The following DNAJC25 variants were observed in gnomAD, a reference collection of about 807,000 sequenced individuals.
DNAJC25 encodes DnaJ heat shock protein family (Hsp40) member C25, also known as dnaJ homolog subfamily C member 25.
A neutral mutation model predicts 42.1 loss-of-function variants in DNAJC25; 26 were observed. The ratio of observed to expected loss-of-function variants is 0.62; its 90% CI spans 0.45 to 0.86. The LOEUF (loss-of-function observed/expected upper bound fraction) is 0.86, where lower values mean the gene tolerates loss of function less well. Ranked by LOEUF, DNAJC25 falls within the 40% of genes least tolerant of loss-of-function variation. The probability of loss-of-function intolerance (pLI) is 0.00; values close to 1 mark genes in which losing one functional copy is unlikely to be tolerated. For missense variants in DNAJC25, 404 were observed against 459.4 expected (o/e 0.88, Z 1.10); for synonymous variants, 189 against 179.9 (o/e 1.05, Z -0.40).
intron 1 of DNAJC25, among the ~76,000 whole-genome samples, chr9:111,640,972 G>C (rs1830448443): frequency 9.6e-6 from 1 of 103,656 alleles, no homozygotes; most frequent in South Asian, 3.0e-4. Flanking sequence ...CCCCCCGCCT[G>C]GCCAGCCGTG....
Position 111,653,762 on chromosome 9 carries a change from CCTCTCTAGGAAAGT to C in DNAJC25, c.*543_*556del, listed in dbSNP as rs1239551083. ...TAGGATTGAAATACGTTCAAAATAA[CCTCTCTAGGAAAGT>C]CTTCTGCTAGAATTTCTCCCCTCTA... On this transcript the variant is annotated 3_prime_UTR_variant, in exon 4 of 4. Coordinates refer to ENST00000313525, the MANE Select transcript of DNAJC25 (RefSeq NM_001015882.3). 6.6e-6 allele frequency: 1 copy of C among 152,538 alleles called. No homozygotes were observed. Among genetic ancestry groups the C allele is most frequent in the Non-Finnish European group, 1.5e-5 (1 of 68,024 alleles). 9.4% of individuals were successfully genotyped at this position (152,538 alleles called of 1,614,324 possible).
intron 1 of DNAJC25, among the ~76,000 whole-genome samples, chr9:111,642,603 C>CAATAAAAA (rs201957943): frequency 0.14 from 14,744 of 108,906 alleles, 922 homozygotes; most frequent in East Asian, 0.32. Context: ...CAAGAATTAT[C>CAATAAAAA]AATAAATAAA....
chr9:111,638,985 T>C (rs72748084), intron 1 of DNAJC25, among the ~76,000 whole-genome samples: 3,286 of 152,246 alleles, frequency 0.022, 53 homozygotes, highest in Non-Finnish European at 0.032. Context: ...ATGATATTTT[T>C]TGATACTTTT....
At position 111,653,340 on chromosome 9, in the gene DNAJC25, T is replaced by C; in HGVS notation, c.*118T>C. ...GCAGTAACTAAAATTCCTCAAGTAT[T>C]TGATTAAACAGAATAATGTCAAAAT... On this transcript the variant is annotated 3_prime_UTR_variant, in exon 4 of 4. Transcript: ENST00000313525. 2 of 1,198,460 alleles carry C rather than the reference T, an allele frequency of 1.7e-6. No individual in the cohort carries two copies. Among genetic ancestry groups the C allele is most frequent in the Non-Finnish European group, 2.2e-6 (2 of 921,252 alleles). The allele number at this position is 1,198,460 out of a possible 1,614,324, so 74.2% of individuals were successfully genotyped here. A position where few individuals can be genotyped will look rare whatever the true frequency, so the allele number is the denominator to read the frequency against.
intron 3 of DNAJC25, among the ~76,000 whole-genome samples, chr9:111,651,838 C>A: frequency 6.8e-6 from 1 of 146,516 alleles, no homozygotes; most frequent in Non-Finnish European, 1.5e-5. Context: ...CAGAGTGAGA[C>A]CCCATCTCAA....
chr9:111,645,088 G>A (rs142835960), intron 1 of DNAJC25, among the ~76,000 whole-genome samples: 126 of 152,248 alleles, frequency 8.3e-4, no homozygotes, highest in African/African-American at 2.8e-3. Flanking sequence ...CTCACACCTC[G>A]TTGTATAACT....
chr9:111,634,998 T>C (rs918615277), intron 1 of DNAJC25, among the ~76,000 whole-genome samples: 2 of 152,224 alleles, frequency 1.3e-5, no homozygotes, highest in African/African-American at 2.4e-5. Context: ...CAAACCATTA[T>C]GATTTCACAC....
Position 111,649,758 on chromosome 9 carries a change from G to C in DNAJC25, c.795G>C (p.Arg265=), listed in dbSNP as rs1282972431. The part of the protein sequence containing the change: ...HLCSYIVWYC[R]WIYNFNIKGK... ...GCTCATATATAGTTTGGTATTGTCG[G>C]TGGATCTATAATTTTAACATCAAAG... The change falls in exon 3 of 4, where the codon CGG becomes CGC. Residue 265 remains arginine (R), a synonymous_variant. Coordinates refer to ENST00000313525, the MANE Select transcript of DNAJC25 (RefSeq NM_001015882.3). 1 of 1,613,942 alleles carries C rather than the reference G, an allele frequency of 6.2e-7. No homozygotes were observed. The highest frequency in any genetic ancestry group is 8.5e-7 in the Non-Finnish European group (1 of 1,180,022).
chr9:111,643,003 G>T (rs1830506895), intron 1 of DNAJC25: 1 of 451,480 alleles, frequency 2.2e-6, no homozygotes, highest in African/African-American at 2.0e-5. Context: ...AAGTATAAAG[G>T]TTTTGGTTTT....
intron 1 of DNAJC25, among the ~76,000 whole-genome samples, chr9:111,637,110 A>G (rs977897584): frequency 1.3e-5 from 2 of 152,208 alleles, no homozygotes; most frequent in Non-Finnish European, 1.5e-5. Context: ...GTACAGATTT[A>G]TCGTAGGTAA....
intron 1 of DNAJC25, among the ~76,000 whole-genome samples, chr9:111,642,638 T>C (rs1830497395): frequency 6.9e-6 from 1 of 145,042 alleles, no homozygotes; most frequent in African/African-American, 2.7e-5. Context: ...AATAAATAAA[T>C]AAATAAAAAA....
chr9:111,631,479 GC>G lies in DNAJC25; in HGVS notation c.76del (p.Leu26CysfsTer31). ...GCCGGCGCTGGTGGATGCTGCTGGC[GC>G]CCCTGCTGCCGGCGCTGCTGCTGGT... ...AGRRWWMLLA[P>X]LLPALLLVRP... On this transcript the variant is annotated frameshift_variant, in exon 1 of 4. Transcript: ENST00000313525. LOFTEE classifies it high-confidence loss of function. The G allele has an allele frequency of 7.6e-7, 1 of 1,321,964 alleles. No homozygotes were observed. Among genetic ancestry groups the G allele is most frequent in the Non-Finnish European group, 9.6e-7 (1 of 1,042,492 alleles). 81.9% of individuals were successfully genotyped at this position (1,321,964 alleles called of 1,614,324 possible). A position where few individuals can be genotyped will look rare whatever the true frequency, so the allele number is the denominator to read the frequency against.
At chr9:111,647,847 C>A (rs149007001) in intron 2 of DNAJC25, among the ~76,000 whole-genome samples, 1 of 152,044 alleles carries the variant, frequency 6.6e-6, no homozygotes, top group Non-Finnish European at 1.5e-5. Context: ...GGCACAATTT[C>A]GGCTCACTGC....
In DNAJC25 at chr9:111,631,423, C is replaced by G. The variant is rs1284295122; in HGVS notation, c.16C>G (p.Leu6Val). The change falls in exon 1 of 4, where the codon CTC becomes GTC. Residue 6 changes from leucine (L) to valine (V), a missense_variant. By Grantham distance (32) the Leu-to-Val change is conservative. Coordinates refer to ENST00000313525, the MANE Select transcript of DNAJC25 (RefSeq NM_001015882.3). Reference sequence around the variant, plus strand: ...GAGGCTGGGGATGGGGGCGCCGCTGCTCTCTCCCGGCTGGGGAGCCGGGGC... The same window carrying G: ...GAGGCTGGGGATGGGGGCGCCGCTGGTCTCTCCCGGCTGGGGAGCCGGGGC... MGAPL[L>V]SPGWGAGAAG... 4.6e-6 allele frequency: 6 copies of G among 1,292,394 alleles called. No individual in the cohort carries two copies. The highest frequency in any genetic ancestry group is 5.9e-6 in the Non-Finnish European group (6 of 1,024,912). The allele number at this position is 1,292,394 out of a possible 1,614,324, so 80.1% of individuals were successfully genotyped here.
chr9:111,633,957 C>T (rs1291988375), intron 1 of DNAJC25, among the ~76,000 whole-genome samples: 5 of 152,086 alleles, frequency 3.3e-5, no homozygotes, highest in Admixed American at 2.0e-4. Flanking sequence ...TTGACTCTGA[C>T]GGGTTTGTGA....
chr9:111,639,958 G>A (rs1033209540), intron 1 of DNAJC25, among the ~76,000 whole-genome samples: 3 of 127,584 alleles, frequency 2.4e-5, no homozygotes, highest in East Asian at 3.1e-4. Context: ...CTCCGTCTCC[G>A]TCTCCCCATG....
At chr9:111,640,141 C>T (rs577156335) in intron 1 of DNAJC25, among the ~76,000 whole-genome samples, 1 of 149,790 alleles carries the variant, frequency 6.7e-6, no homozygotes, top group Non-Finnish European at 1.5e-5. Flanking sequence ...TTGGCCGGGC[C>T]GGTCTCCAGC....
At chr9:111,641,034 G>T (rs1263681392) in intron 1 of DNAJC25, among the ~76,000 whole-genome samples, 6 of 99,992 alleles carry the variant, frequency 6.0e-5, no homozygotes, top group Non-Finnish European at 9.5e-5. Context: ...CAGCCGCCCC[G>T]TCCGGGAGGT....
chr9:111,632,876 A>C (rs1332624606), intron 1 of DNAJC25, among the ~76,000 whole-genome samples: 1 of 152,164 alleles, frequency 6.6e-6, no homozygotes, highest in Admixed American at 6.5e-5. Flanking sequence ...ATTTGGAGTC[A>C]TAAAATGAGT....
Sources: allele counts gnomAD v4.1 joint callset (sites outside exome capture counted in the v4.1 genomes callset), GRCh38; gene constraint gnomAD v4.1.1; transcripts MANE v1.5; gene names NCBI Gene and HGNC (gene_info 2026-07-23, HGNC 2026-07-21).